Variants in PDGFRA observed in about 807,000 individuals in gnomAD.
PDGFRA encodes platelet derived growth factor receptor alpha.
Under a neutral mutation model 121.5 loss-of-function variants are expected in PDGFRA, and 25 were observed. That is an observed-to-expected ratio of 0.21 (90% CI 0.15 to 0.29). The LOEUF (loss-of-function observed/expected upper bound fraction) is 0.29, where lower values mean the gene tolerates loss of function less well. Ranked by LOEUF, PDGFRA falls within the 10% of genes least tolerant of loss-of-function variation. The probability of loss-of-function intolerance (pLI) is 1.00; values close to 1 mark genes in which losing one functional copy is unlikely to be tolerated. For missense variants in PDGFRA, 1,008 were observed against 1,345.1 expected (o/e 0.75, Z 3.92); for synonymous variants, 463 against 494.8 (o/e 0.94, Z 0.85).
intron 1 of PDGFRA, among the ~76,000 whole-genome samples, chr4:54,249,072 G>A (rs1721884556): frequency 6.6e-6 from 1 of 152,182 alleles, no homozygotes. Flanking sequence ...GGAAACAACA[G>A]GTGCTGGAGA....
At chr4:54,289,813 G>A (rs10004857) in intron 21 of PDGFRA, among the ~76,000 whole-genome samples, 30,288 of 152,184 alleles carry the variant, frequency 0.2, 3,647 homozygotes, top group African/African-American at 0.32. Flanking sequence ...CAGTGAGGAG[G>A]CAGAAGGAAA....
Position 54,285,791 on chromosome 4 carries a change from T to TA in PDGFRA, c.2440-50_2440-49insA, listed in dbSNP as rs3830355. The stretch of plus-strand genomic sequence containing the variant: ...AGCCAGTCTTGCAGGGGTGATGCTA[T>TA]TCAGCTACAGATGGCTTGATCCTGA... On this transcript the variant is annotated intron_variant, in intron 17 of 22. Transcript: ENST00000257290. 0.83 allele frequency: 1,330,343 copies of TA among 1,600,954 alleles called. 558,022 individuals are homozygous for TA. Among genetic ancestry groups the TA allele is most frequent in the Middle Eastern group, 0.89 (5,201 of 5,864 alleles).
intron 1 of PDGFRA, among the ~76,000 whole-genome samples, chr4:54,238,807 A>T (rs2039150421): frequency 1.3e-5 from 2 of 152,102 alleles, no homozygotes; most frequent in African/African-American, 4.8e-5. Context: ...CTCTACAAAC[A>T]ATAATTTTAA....
At chr4:54,255,061 C>T (rs1284061666) in intron 1 of PDGFRA, among the ~76,000 whole-genome samples, 2 of 152,136 alleles carry the variant, frequency 1.3e-5, no homozygotes, top group Non-Finnish European at 2.9e-5. Flanking sequence ...GAGGGCACAG[C>T]TTTTGCATCA....
At chr4:54,281,071 G>C (rs573661999) in intron 16 of PDGFRA, among the ~76,000 whole-genome samples, 102 of 152,142 alleles carry the variant, frequency 6.7e-4, no homozygotes, top group African/African-American at 2.4e-3. Context: ...TTTGAAGGTG[G>C]GTCTATCTGT....
chr4:54,271,838 T>TCCTC lies in PDGFRA; in HGVS notation c.1238-540_1238-537dup, dbSNP rs367615089. ...CTTTCTCTCCTTCCTTCCTTCCTTT[T>TCCTC]CCTCCCTCCCTCCCTCCCTTGTTCT... is the stretch of plus-strand genomic sequence containing the variant. On this transcript the variant is annotated intron_variant, in intron 8 of 22. Coordinates refer to ENST00000257290, the MANE Select transcript of PDGFRA (RefSeq NM_006206.6). Among the ~76,000 whole-genome samples, 251 of 122,872 alleles carry TCCTC rather than the reference T, an allele frequency of 2.0e-3. 2 individuals are homozygous for TCCTC. Among genetic ancestry groups the TCCTC allele is most frequent in the African/African-American group, 7.6e-3 (237 of 31,186 alleles). The allele number at this position is 122,872 out of a possible 152,430, so 80.6% of individuals were successfully genotyped here.
Position 54,258,779 on chromosome 4 carries a change from C to T in PDGFRA, c.11C>T (p.Ser4Phe), listed in dbSNP as rs138929755. 8.1e-6 allele frequency: 13 copies of T among 1,613,392 alleles called. No homozygotes were observed. Among genetic ancestry groups the T allele is most frequent in the Non-Finnish European group, 1.1e-5 (13 of 1,179,268 alleles). MGTSHPAFLVLGCL... is the reference protein window; with the variant it reads MGTFHPAFLVLGCL... ...TAGTTTCCCAGAGCTATGGGGACTT[C>T]CCATCCGGCGTTCCTGGTCTTAGGC... The change falls in exon 2 of 23, where the codon TCC becomes TTC. Residue 4 changes from serine to phenylalanine, a missense_variant. Physicochemically the swap from Ser to Phe is radical, Grantham distance 155. Around this residue, in one of 5 missense-constraint regions of PDGFRA, gnomAD observed 575 missense variants for 701.8 expected, o/e 0.82. Transcript: ENST00000257290.
At chr4:54,286,293 G>C (rs1166928066) in intron 18 of PDGFRA, among the ~76,000 whole-genome samples, 1 of 152,020 alleles carries the variant, frequency 6.6e-6, no homozygotes, top group East Asian at 1.9e-4. Flanking sequence ...CTGGCATATA[G>C]AAACAGCACT....
rs7688997 is a variant in PDGFRA at position 54,265,283 on chromosome 4, C to A, written c.759+234C>A. 0.16 allele frequency: 78,477 copies of A among 480,208 alleles called. 7,685 individuals are homozygous for A. Among genetic ancestry groups the A allele is most frequent in the Admixed American group, 0.32 (10,002 of 31,310 alleles). 29.7% of individuals were successfully genotyped at this position (480,208 alleles called of 1,614,324 possible). On this transcript the variant is annotated intron_variant, in intron 5 of 22. Transcript: ENST00000257290. ...CCTTCAGAATACATAAAGAGTGTGC[C>A]GTAAGCCTTCTTTTTCAGAAGTCAG...
chr4:54,240,306 C>CT (rs1179813969), intron 1 of PDGFRA, among the ~76,000 whole-genome samples: 25 of 152,210 alleles, frequency 1.6e-4, no homozygotes, highest in Non-Finnish European at 7.3e-5. Context: ...GACCCTGGGA[C>CT]ACCAGGGTCA....
intron 10 of PDGFRA, among the ~76,000 whole-genome samples, chr4:54,274,013 A>C (rs1326781391): frequency 1.3e-5 from 2 of 152,240 alleles, no homozygotes; most frequent in African/African-American, 4.8e-5. Context: ...GCATTTTTGC[A>C]GAGGCCCCTC....
chr4:54,265,093 G>T, intron 5 of PDGFRA, 44 bp downstream of exon 5: 1 of 1,603,984 alleles, frequency 6.2e-7, no homozygotes, highest in South Asian at 1.1e-5. Flanking sequence ...CAGAGCAACA[G>T]GGCTCAGAAG....
rs1438503371 is a variant in PDGFRA at position 54,297,569 on chromosome 4, A to G, written c.*2297A>G. On this transcript the variant is annotated 3_prime_UTR_variant, in exon 23 of 23. Coordinates refer to ENST00000257290, the MANE Select transcript of PDGFRA (RefSeq NM_006206.6). Reference sequence around the variant, plus strand: ...TTGATATTGCTGTGAGCCTTGCATGACATCATGAGGCCGGATGAAACTTCT... The same window carrying G: ...TTGATATTGCTGTGAGCCTTGCATGGCATCATGAGGCCGGATGAAACTTCT... 1 of 233,520 alleles carries G rather than the reference A, an allele frequency of 4.3e-6. No individual in the cohort carries two copies. The highest frequency in any genetic ancestry group is 8.5e-6 in the Non-Finnish European group (1 of 118,058). 14.5% of individuals were successfully genotyped at this position (233,520 alleles called of 1,614,324 possible).
intron 1 of PDGFRA, 38 bp downstream of exon 1, chr4:54,229,453 G>T (rs921765036): frequency 1.0e-5 from 4 of 396,396 alleles, no homozygotes; most frequent in Admixed American, 4.4e-5. Context: ...GTTTATAAGG[G>T]AAGTCCCTGA....
At chr4:54,232,112 T>A (rs534494963) in intron 1 of PDGFRA, among the ~76,000 whole-genome samples, 3 of 152,196 alleles carry the variant, frequency 2.0e-5, no homozygotes, top group Admixed American at 6.5e-5. Context: ...GGTTATACGT[T>A]GCTGGTGGAA....
chr4:54,231,023 C>A (rs1360070107), intron 1 of PDGFRA, among the ~76,000 whole-genome samples: 2 of 152,198 alleles, frequency 1.3e-5, no homozygotes, highest in Non-Finnish European at 2.9e-5. Flanking sequence ...GCCAGGTGTG[C>A]GAGAGCTGCC....
At chr4:54,245,654 A>G (rs1430636490) in intron 1 of PDGFRA, among the ~76,000 whole-genome samples, 1 of 151,854 alleles carries the variant, frequency 6.6e-6, no homozygotes. Context: ...AACTGCATCA[A>G]CTAACGAGCA....
chr4:54,248,336 C>A (rs1196084460), intron 1 of PDGFRA, among the ~76,000 whole-genome samples: 1 of 152,166 alleles, frequency 6.6e-6, no homozygotes, highest in African/African-American at 2.4e-5. Flanking sequence ...CTACAGTAAC[C>A]AAAACAGCAT....
chr4:54,272,144 T>C lies in PDGFRA; in HGVS notation c.1238-250T>C, dbSNP rs112289783. 3.2e-4 allele frequency among the ~76,000 whole-genome samples: 48 copies of C among 151,060 alleles called. 2 individuals are homozygous for C. Among genetic ancestry groups the C allele is most frequent in the African/African-American group, 8.0e-4 (33 of 41,108 alleles). On this transcript the variant is annotated intron_variant, in intron 8 of 22. Coordinates refer to ENST00000257290, the MANE Select transcript of PDGFRA (RefSeq NM_006206.6). ...CTACATGTGTGAGGCATCACAACCA[T>C]GGACTTTTCACTTTCTTCACTCCAG...
Sources: gnomAD v4.1 joint callset for allele counts (sites outside exome capture counted in the v4.1 genomes callset) on GRCh38, gnomAD v4.1.1 for gene constraint, gnomAD v4.1.1 regional missense constraint, MANE v1.5 for transcripts, NCBI Gene and HGNC (gene_info 2026-07-23, HGNC 2026-07-21) for gene names.